The following SPIDR variants were observed in gnomAD, a reference collection of about 807,000 sequenced individuals.
SPIDR encodes the protein scaffold protein involved in DNA repair.
A neutral mutation model predicts 104.6 loss-of-function variants in SPIDR; 93 were observed. The ratio of observed to expected loss-of-function variants is 0.89; its 90% CI spans 0.75 to 1.06. SPIDR has a LOEUF of 1.06. SPIDR is among the 50% of genes least tolerant of loss of function. The pLI is 0.00. For missense variants in SPIDR, 1,154 were observed against 1,111.2 expected (o/e 1.04, Z -0.55); for synonymous variants, 431 against 416.9 (o/e 1.03, Z -0.41).
At chr8:47,502,916 C>G (rs369804323) in intron 8 of SPIDR, among the ~76,000 whole-genome samples, 5 of 152,268 alleles carry the variant, frequency 3.3e-5, no homozygotes, top group South Asian at 2.1e-4. Flanking sequence ...TTCAGGAGCA[C>G]GTTGTGCAGT....
chr8:47,311,522 T>C (rs1251649107), intron 5 of SPIDR, among the ~76,000 whole-genome samples: 1 of 152,112 alleles, frequency 6.6e-6, no homozygotes, highest in East Asian at 1.9e-4. Flanking sequence ...TTGAAAATAA[T>C]AGACAAAAAA....
chr8:47,269,305 T>C (rs1046476000), intron 1 of SPIDR, among the ~76,000 whole-genome samples: 1 of 151,740 alleles, frequency 6.6e-6, no homozygotes, highest in Admixed American at 6.6e-5. Context: ...TCACCCAGGC[T>C]GGAGTGCAGT....
At position 47,397,741 on chromosome 8, in the gene SPIDR, T is replaced by C. The variant is rs1266753444; in HGVS notation, c.776+1115T>C. 5.3e-5 allele frequency among the ~76,000 whole-genome samples: 8 copies of C among 152,226 alleles called. No homozygotes were observed. The South Asian group carries it at 1.7e-3, about 32-fold the overall frequency. ...CACGGTTCAAGGAGTGACGACAGGG[T>C]CATGGCTCTTATGTGGGAACTGGGA... On this transcript the variant is annotated intron_variant, in intron 6 of 19. Coordinates refer to ENST00000297423, the MANE Select transcript of SPIDR (RefSeq NM_001080394.4).
At chr8:47,393,727 CCT>C in intron 5 of SPIDR, among the ~76,000 whole-genome samples, 1 of 95,476 alleles carries the variant, frequency 1.0e-5, no homozygotes, top group South Asian at 3.1e-4. Context: ...CCTTTCCTTT[CCT>C]TTCCTTCCTT....
At chr8:47,494,412 T>A (rs2079147840) in intron 8 of SPIDR, among the ~76,000 whole-genome samples, 1 of 152,104 alleles carries the variant, frequency 6.6e-6, no homozygotes, top group African/African-American at 2.4e-5. Flanking sequence ...CACCTCATTT[T>A]TGAGAAATAA....
Position 47,713,826 on chromosome 8 carries a change from A to G in SPIDR, c.2341+185A>G, listed in dbSNP as rs1000122854. Among the ~76,000 whole-genome samples the G allele has an allele frequency of 6.6e-5, 10 of 152,190 alleles. No individual in the cohort carries two copies. The highest frequency in any genetic ancestry group is 1.2e-4 in the Non-Finnish European group (8 of 68,036). On this transcript the variant is annotated intron_variant, in intron 16 of 19. Transcript: ENST00000297423. ...CTCGAGTCTGCACAGAAAGATGTGA[A>G]TCAGACGAACACAGACAGGCCTATC...
rs1215221928 is a variant in SPIDR at position 47,439,056 on chromosome 8, AT to A, written c.878-1260del. Among the ~76,000 whole-genome samples the A allele has an allele frequency of 3.9e-5, 6 of 152,134 alleles. No individual in the cohort carries two copies. The South Asian group carries it at 6.2e-4, about 16-fold the overall frequency. ...CATTTTTGTTGTTCTCAGTTTATGT[AT>A]TTTTTTATTTTTTTTAATTAAAAAG... On this transcript the variant is annotated intron_variant, in intron 7 of 19. Coordinates refer to ENST00000297423, the MANE Select transcript of SPIDR (RefSeq NM_001080394.4).
chr8:47,359,936 C>T (rs558132123), intron 5 of SPIDR, among the ~76,000 whole-genome samples: 8 of 152,092 alleles, frequency 5.3e-5, no homozygotes, highest in Non-Finnish European at 1.0e-4. Flanking sequence ...ATTTATCACT[C>T]TCTCTCATTG....
At chr8:47,327,052 G>A (rs1384612191) in intron 5 of SPIDR, among the ~76,000 whole-genome samples, 2 of 152,020 alleles carry the variant, frequency 1.3e-5, no homozygotes, top group Admixed American at 6.6e-5. Context: ...TTACATTCCT[G>A]TTAGCAACGC....
intron 9 of SPIDR, among the ~76,000 whole-genome samples, chr8:47,597,636 CTTTA>C (rs760928738): frequency 1.3e-5 from 2 of 152,184 alleles, no homozygotes; most frequent in Non-Finnish European, 2.9e-5. Flanking sequence ...TAAAGCCCTC[CTTTA>C]TTTATTTAAA....
intron 10 of SPIDR, among the ~76,000 whole-genome samples, chr8:47,655,052 A>G (rs1197955834): frequency 2.0e-5 from 3 of 152,174 alleles, no homozygotes; most frequent in Non-Finnish European, 1.5e-5. Context: ...CAAAGGACAT[A>G]AACTCATCCT....
At chr8:47,411,974 G>A (rs1489446193) in intron 7 of SPIDR, among the ~76,000 whole-genome samples, 3 of 152,116 alleles carry the variant, frequency 2.0e-5, no homozygotes, top group African/African-American at 7.2e-5. Context: ...TAGATATGCA[G>A]CATTATTTCT....
At chr8:47,676,686 T>C (rs1229696483) in intron 11 of SPIDR, among the ~76,000 whole-genome samples, 1 of 152,192 alleles carries the variant, frequency 6.6e-6, no homozygotes, top group Non-Finnish European at 1.5e-5. Flanking sequence ...AATTGGAAGA[T>C]AGTTGTATGT....
intron 10 of SPIDR, among the ~76,000 whole-genome samples, chr8:47,627,151 C>T (rs1292668268): frequency 6.6e-6 from 1 of 152,110 alleles, no homozygotes; most frequent in East Asian, 1.9e-4. Context: ...AAAAACCGAA[C>T]ACCGCATGTT....
rs201920810 is a variant in SPIDR, at chr8:47,712,713, G to A, written c.2029G>A (p.Asp677Asn). The change falls in exon 15 of 20, where the codon GAT (aspartate) becomes AAT (asparagine). Residue 677 changes from aspartate (D) to asparagine (N), a missense_variant. Coordinates refer to ENST00000297423, the MANE Select transcript of SPIDR (RefSeq NM_001080394.4). ...AAGGGAGATCTGGCTGCTAGTGACCGATGTCACTCTGCAAACGAAGGAGGA... is the reference window on the plus strand; with the variant it reads ...AAGGGAGATCTGGCTGCTAGTGACCAATGTCACTCTGCAAACGAAGGAGGA... ...EQREIWLLVTDVTLQTKEERD... is the reference protein window; with the variant it reads ...EQREIWLLVTNVTLQTKEERD... 215 of 1,614,146 alleles carry A rather than the reference G, an allele frequency of 1.3e-4. No homozygotes were observed. The highest frequency in any genetic ancestry group is 1.8e-4 in the Admixed American group (11 of 60,020).
chr8:47,496,312 G>A (rs2079430434), intron 8 of SPIDR, among the ~76,000 whole-genome samples: 1 of 152,182 alleles, frequency 6.6e-6, no homozygotes, highest in Non-Finnish European at 1.5e-5. Context: ...TCACCATTAA[G>A]TCTGATGTTA....
intron 8 of SPIDR, among the ~76,000 whole-genome samples, chr8:47,468,614 T>G (rs1554719029): frequency 6.6e-6 from 1 of 152,192 alleles, no homozygotes; most frequent in East Asian, 1.9e-4. Context: ...AAGGACTCCA[T>G]TCAATAAATG....
intron 10 of SPIDR, among the ~76,000 whole-genome samples, chr8:47,610,099 G>A (rs1220154358): frequency 1.3e-5 from 2 of 152,120 alleles, no homozygotes; most frequent in South Asian, 2.1e-4. Flanking sequence ...TTTCAAGGTG[G>A]CCCTATATAA....
intron 18 of SPIDR, 22 bp downstream of exon 18, chr8:47,729,069 G>A (rs774008189): frequency 9.3e-6 from 15 of 1,612,438 alleles, no homozygotes; most frequent in Admixed American, 5.0e-5. Context: ...GCCAGAGCAC[G>A]CACGCACTCC....
Sources: gnomAD v4.1 joint callset for allele counts (sites outside exome capture counted in the v4.1 genomes callset) on GRCh38, gnomAD v4.1.1 for gene constraint, MANE v1.5 for transcripts, NCBI Gene and HGNC (gene_info 2026-07-23, HGNC 2026-07-21) for gene names.